PHLPP1: variants seen among roughly 807,000 people sequenced by gnomAD.
The protein encoded by PHLPP1 is PH domain leucine-rich repeat-containing protein phosphatase 1.
In PHLPP1, 42 loss-of-function variants were observed where a neutral mutation model predicts 117.2. The ratio of observed to expected loss-of-function variants is 0.36; its 90% CI spans 0.28 to 0.46. The LOEUF is 0.46. Ranked by LOEUF, PHLPP1 falls within the 20% of genes least tolerant of loss-of-function variation. The pLI, the probability that PHLPP1 is intolerant of heterozygous loss-of-function variation, is 1.00. For missense variants in PHLPP1, 2,084 were observed against 2,241.9 expected (o/e 0.93, Z 1.42); for synonymous variants, 1,042 against 970.7 (o/e 1.07, Z -1.37).
chr18:62,790,680 A>C (rs1197692101), intron 1 of PHLPP1, among the ~76,000 whole-genome samples: 1 of 152,174 alleles, frequency 6.6e-6, no homozygotes, highest in African/African-American at 2.4e-5. Flanking sequence ...ACCCACCATG[A>C]TTCCTGGTGG....
chr18:62,886,424 C>T (rs544842974), intron 4 of PHLPP1, among the ~76,000 whole-genome samples: 64 of 152,226 alleles, frequency 4.2e-4, no homozygotes, highest in South Asian at 1.0e-3. Flanking sequence ...CAGGTGCACA[C>T]CACCACACCC....
At chr18:62,964,243 A>T (rs1252617474) in intron 14 of PHLPP1, among the ~76,000 whole-genome samples, 2 of 152,222 alleles carry the variant, frequency 1.3e-5, no homozygotes, top group African/African-American at 4.8e-5. Flanking sequence ...AGCTAACATT[A>T]GTATTCAACC....
chr18:62,771,256 C>CCATCCAT (rs1433773688), intron 1 of PHLPP1, among the ~76,000 whole-genome samples: 8 of 151,796 alleles, frequency 5.3e-5, no homozygotes, highest in Non-Finnish European at 1.2e-4. Flanking sequence ...ACTATCTCAG[C>CCATCCAT]CATCCATGTG....
chr18:62,913,739 C>CTTT lies in PHLPP1; in HGVS notation c.2709-1155_2709-1153dup, dbSNP rs398033174. ...ACCATTAGTTTAGTTCTCTCTCTCTCTTTTTTTTTTTTTTTTTTTTTGAGA... is the reference window on the plus strand; with the variant it reads ...ACCATTAGTTTAGTTCTCTCTCTCTCTTTTTTTTTTTTTTTTTTTTTTTTGAGA... On this transcript the variant is annotated intron_variant, in intron 8 of 16. Transcript: ENST00000262719. Among the ~76,000 whole-genome samples, 838 of 100,398 alleles carry CTTT rather than the reference C, an allele frequency of 8.3e-3. 1 individual carries two copies. The highest frequency in any genetic ancestry group is 0.012 in the Middle Eastern group (2 of 162). The allele number at this position is 100,398 out of a possible 152,430, so 65.9% of individuals were successfully genotyped here. A position where few individuals can be genotyped will look rare whatever the true frequency, so the allele number is the denominator to read the frequency against.
At position 62,895,070 on chromosome 18, in the gene PHLPP1, C is replaced by T; in HGVS notation, c.2126C>T (p.Ala709Val). ...AATCATTTAGGGGACTTCCCACTGG[C>T]AGTCTGCAGTATTCCAACCCTGGCA... ...SNNHLGDFPL[A>V]VCSIPTLAEL... is the part of the protein sequence containing the mutation. Residue 709 changes from alanine (A) to valine (V), a missense_variant, in exon 5 of 17, where the codon GCA becomes GTA. Coordinates refer to ENST00000262719, the MANE Select transcript of PHLPP1 (RefSeq NM_194449.4). 6.2e-7 allele frequency: 1 copy of T among 1,612,870 alleles called. No homozygotes were observed. The highest frequency in any genetic ancestry group is 2.2e-5 in the East Asian group (1 of 44,866).
At chr18:62,813,074 G>A (rs1914169298) in intron 1 of PHLPP1, among the ~76,000 whole-genome samples, 2 of 152,214 alleles carry the variant, frequency 1.3e-5, no homozygotes, top group Admixed American at 6.5e-5. Flanking sequence ...TGAAGACATT[G>A]AACTGACAAG....
At chr18:62,851,442 A>G (rs1915347393) in intron 3 of PHLPP1, among the ~76,000 whole-genome samples, 1 of 152,134 alleles carries the variant, frequency 6.6e-6, no homozygotes, top group South Asian at 2.1e-4. Context: ...CTTGCCCTCA[A>G]CAGAATACCA....
chr18:62,736,988 G>C (rs1378150528), intron 1 of PHLPP1, among the ~76,000 whole-genome samples: 3 of 152,186 alleles, frequency 2.0e-5, no homozygotes, highest in Admixed American at 6.5e-5. Context: ...GAAGCTCTTA[G>C]GATGTATGTC....
chr18:62,812,983 A>G (rs1031122668), intron 1 of PHLPP1, among the ~76,000 whole-genome samples: 2 of 152,226 alleles, frequency 1.3e-5, no homozygotes, highest in African/African-American at 2.4e-5. Flanking sequence ...ATCAAATAAG[A>G]AAGAAAACTT....
At chr18:62,905,306 C>T (rs1916819512) in intron 8 of PHLPP1, 22 bp downstream of exon 8, 2 of 1,329,594 alleles carry the variant, frequency 1.5e-6, no homozygotes, top group Non-Finnish European at 2.0e-6. Context: ...AGTCTTAGAG[C>T]CCTCTAGAGT....
intron 1 of PHLPP1, among the ~76,000 whole-genome samples, chr18:62,755,216 A>T (rs930460346): frequency 6.6e-6 from 1 of 151,804 alleles, no homozygotes; most frequent in Non-Finnish European, 1.5e-5. Flanking sequence ...CAGATACGTG[A>T]AAGTTGAAAA....
chr18:62,739,183 G>A (rs1469336058), intron 1 of PHLPP1, among the ~76,000 whole-genome samples: 1 of 152,168 alleles, frequency 6.6e-6, no homozygotes, highest in African/African-American at 2.4e-5. Context: ...GAAGCCTTTG[G>A]ATTGAATGAA....
At chr18:62,892,015 C>G (rs943890275) in intron 4 of PHLPP1, among the ~76,000 whole-genome samples, 1 of 144,998 alleles carries the variant, frequency 6.9e-6, no homozygotes, top group Middle Eastern at 3.3e-3. Context: ...AACAGTTTTT[C>G]AAAACAAAAA....
At chr18:62,836,569 T>TA (rs1327498304) in intron 2 of PHLPP1, among the ~76,000 whole-genome samples, 1 of 152,038 alleles carries the variant, frequency 6.6e-6, no homozygotes, top group Admixed American at 6.5e-5. Context: ...TCCTTTCTGT[T>TA]ACTGTTCTCA....
At chr18:62,766,076 A>AAAAAAAAAATATATATATATATATAT in intron 1 of PHLPP1, among the ~76,000 whole-genome samples, 1 of 21,656 alleles carries the variant, frequency 4.6e-5, no homozygotes, top group African/African-American at 1.5e-4. Context: ...AAAAAAAAAA[A>AAAAAAAAAATATATATATATATATAT]ATATATATAT....
intron 1 of PHLPP1, among the ~76,000 whole-genome samples, chr18:62,722,524 T>G (rs577209492): frequency 1.8e-3 from 277 of 152,310 alleles, no homozygotes; most frequent in African/African-American, 6.5e-3. Flanking sequence ...TTCCACCTTC[T>G]AAACCCATTC....
intron 10 of PHLPP1, among the ~76,000 whole-genome samples, chr18:62,939,360 G>A (rs1910063954): frequency 6.6e-6 from 1 of 151,866 alleles, no homozygotes. Context: ...GATATTTTAG[G>A]GCAATAAAAT....
intron 14 of PHLPP1, 123 bp downstream of exon 14, chr18:62,963,595 C>A: frequency 1.6e-6 from 1 of 644,248 alleles, no homozygotes; most frequent in East Asian, 2.8e-5. Flanking sequence ...TTGAGTATTG[C>A]AAGTTTCCCC....
At chr18:62,964,207 CAG>C (rs1244952391) in intron 14 of PHLPP1, among the ~76,000 whole-genome samples, 1 of 152,056 alleles carries the variant, frequency 6.6e-6, no homozygotes, top group Admixed American at 6.5e-5. Context: ...TAAGGAAGAA[CAG>C]AAAGTGGAGG....
Sources: allele counts gnomAD v4.1 joint callset (sites outside exome capture counted in the v4.1 genomes callset), GRCh38; gene constraint gnomAD v4.1.1; transcripts MANE v1.5; gene names NCBI Gene and HGNC (gene_info 2026-07-23, HGNC 2026-07-21).